Variants in ZNF782 observed in about 807,000 individuals in gnomAD.
ZNF782 encodes zinc finger protein 782.
ZNF782 carries 12 observed loss-of-function variants against 13.0 expected under a neutral mutation model. The ratio of observed to expected loss-of-function variants is 0.92; its 90% confidence interval spans 0.59 to 1.50. ZNF782 has a LOEUF of 1.50. Ranked by LOEUF, ZNF782 falls within the 40% of genes most tolerant of loss-of-function variation. ZNF782 has a pLI of 0.00. For synonymous variants in ZNF782, 284 were observed against 283.0 expected, an observed-to-expected ratio of 1.00 and a Z score of -0.04; for missense variants, 770 against 822.9, an observed-to-expected ratio of 0.94 and a Z score of 0.79.
the ZNF782 span, chr9:96,894,332 T>TA: frequency 1.3e-5 from 2 of 151,874 alleles, no homozygotes; most frequent in Non-Finnish European, 2.9e-5. Context: ...CCCTAGAACT[T>TA]AAAGCATAAA....
rs962558048 is a variant in ZNF782, at chr9:96,845,154, C to G, written c.16-138G>C. The G allele has an allele frequency of 3.8e-6, 4 of 1,039,910 alleles. No individual in the cohort carries two copies. The African/African-American group carries it at 4.8e-5, about 13-fold the overall frequency. 64.4% of individuals were successfully genotyped at this position (1,039,910 alleles called of 1,614,324 possible). ...AGGGATTCTTATTAAGGCCCTAATT[C>G]TGCCTTACTTTTGAAATGCATAATT... On this transcript the variant is annotated intron_variant, in intron 3 of 5. Transcript: ENST00000481138.
At position 96,852,009 on chromosome 9, in the gene ZNF782, G is replaced by C. The variant is rs576155405; in HGVS notation, c.-44-4C>G. The C allele has an allele frequency of 1.9e-6, 3 of 1,600,362 alleles. No individual in the cohort carries two copies. Among genetic ancestry groups the C allele is most frequent in the East Asian group, 2.2e-5 (1 of 44,766 alleles). ...ATAGAGAACTGTAAAGCCTCAGCTG[G>C]GGGGACAGAAAGAGGATGTCACACG... On this transcript the variant is annotated splice_region_variant and splice_polypyrimidine_tract_variant and intron_variant, in intron 2 of 5. Coordinates refer to ENST00000481138, the MANE Select transcript of ZNF782 (RefSeq NM_001001662.3).
chr9:96,896,837 A>T, the ZNF782 span, among the ~76,000 whole-genome samples: 1 of 152,200 alleles, frequency 6.6e-6, no homozygotes, highest in South Asian at 2.1e-4. Flanking sequence ...ATACTATCTG[A>T]AGCCACTGGC....
chr9:96,899,250 C>A, the ZNF782 span, among the ~76,000 whole-genome samples: 3 of 148,448 alleles, frequency 2.0e-5, no homozygotes, highest in Non-Finnish European at 3.0e-5. Context: ...GACTCCATCT[C>A]AAAAAAAAAA....
chr9:96,841,782 C>CT (rs1313127126), intron 4 of ZNF782, among the ~76,000 whole-genome samples: 6 of 151,846 alleles, frequency 4.0e-5, no homozygotes, highest in South Asian at 2.1e-4. Context: ...ATGTTTTCCC[C>CT]TTAAGGTTGG....
At chr9:96,832,080 A>AT (rs908989370) in intron 4 of ZNF782, among the ~76,000 whole-genome samples, 2 of 151,254 alleles carry the variant, frequency 1.3e-5, no homozygotes, top group African/African-American at 2.4e-5. Context: ...TCTCTTGAAC[A>AT]TTTTTTTTAG....
At chr9:96,910,014 A>G in the ZNF782 span, 3,142 of 513,018 alleles carry the variant, frequency 6.1e-3, 78 homozygotes, top group East Asian at 0.025. Context: ...CTTTATCGCC[A>G]GAGTCCCTGA....
chr9:96,832,561 A>G (rs546989483), intron 4 of ZNF782, among the ~76,000 whole-genome samples: 5 of 152,228 alleles, frequency 3.3e-5, no homozygotes, highest in Non-Finnish European at 5.9e-5. Flanking sequence ...TTCATCTGAG[A>G]ATGTCTCAAT....
At chr9:96,906,794 T>C in the ZNF782 span, among the ~76,000 whole-genome samples, 2 of 152,274 alleles carry the variant, frequency 1.3e-5, no homozygotes, top group Non-Finnish European at 2.9e-5. Flanking sequence ...CAACTTAACC[T>C]TGAGCCCCTT....
chr9:96,834,683 CTAAA>C (rs1850929655), intron 4 of ZNF782, among the ~76,000 whole-genome samples: 2 of 152,168 alleles, frequency 1.3e-5, no homozygotes, highest in Admixed American at 1.3e-4. Flanking sequence ...GAATTGTGAG[CTAAA>C]TAAATGTTTT....
At chr9:96,820,053 T>G (rs73654607) in intron 5 of ZNF782, among the ~76,000 whole-genome samples, 9,216 of 152,092 alleles carry the variant, frequency 0.061, 820 homozygotes, top group African/African-American at 0.2. Flanking sequence ...AGGATATAAA[T>G]CAACAAAATG....
intron 5 of ZNF782, 86 bp downstream of exon 5, chr9:96,826,994 T>C: frequency 1.2e-6 from 1 of 827,218 alleles, no homozygotes; most frequent in South Asian, 2.2e-5. Context: ...GTATAAATTT[T>C]AACCATTATT....
chr9:96,875,858 A>G (rs1031307913), upstream of ZNF782, among the ~76,000 whole-genome samples: 1 of 152,216 alleles, frequency 6.6e-6, no homozygotes, highest in East Asian at 1.9e-4. Flanking sequence ...TCTCAGCCTT[A>G]GCTAGGCGTG....
the ZNF782 span, among the ~76,000 whole-genome samples, chr9:96,881,558 T>G: frequency 2.6e-5 from 4 of 152,108 alleles, no homozygotes; most frequent in African/African-American, 9.6e-5. Context: ...AATTAAAGAC[T>G]ATAATCCATT....
intron 4 of ZNF782, among the ~76,000 whole-genome samples, chr9:96,837,834 G>T (rs1851049235): frequency 6.6e-6 from 1 of 152,108 alleles, no homozygotes; most frequent in African/African-American, 2.4e-5. Flanking sequence ...TCTTCCTTCT[G>T]TTATTCATTT....
intron 3 of ZNF782, among the ~76,000 whole-genome samples, chr9:96,860,020 G>C (rs2118857025): frequency 6.6e-6 from 1 of 152,254 alleles, no homozygotes; most frequent in Admixed American, 6.5e-5. Flanking sequence ...TCGTAGGTGG[G>C]AACAGACTAC....
the ZNF782 span, among the ~76,000 whole-genome samples, chr9:96,898,811 TG>T: frequency 7.4e-5 from 11 of 148,512 alleles, no homozygotes; most frequent in Non-Finnish European, 1.3e-4. Context: ...CCTCCCAAAG[TG>T]TTCCACCCAC....
In ZNF782 at chr9:96,819,724, T is replaced by C. The variant is rs139241702; in HGVS notation, c.299A>G (p.His100Arg). Residue 100 changes from histidine (H) to arginine (R), a missense_variant, in exon 6 of 6, where the codon CAT (histidine) becomes CGT (arginine). His to Arg is a conservative substitution (Grantham distance 29, BLOSUM62 0). Coordinates refer to ENST00000481138, the MANE Select transcript of ZNF782 (RefSeq NM_001001662.3). ...SEKSPENQGK[H>R]LLQVLFTNKL... The stretch of plus-strand genomic sequence containing the variant: ...ATTGGTGAATAAAACTTGCAACAAA[T>C]GTTTGCCTTGATTTTCTGGGCTCTT... 544 of 1,611,724 alleles carry C rather than the reference T, an allele frequency of 3.4e-4. 1 individual carries two copies. Among genetic ancestry groups the C allele is most frequent in the Non-Finnish European group, 4.3e-4 (506 of 1,179,388 alleles).
chr9:96,903,976 A>C, the ZNF782 span, among the ~76,000 whole-genome samples: 3 of 151,952 alleles, frequency 2.0e-5, no homozygotes, highest in Non-Finnish European at 4.4e-5. Flanking sequence ...TGACTGCGTC[A>C]TTCTCCATTC....
Sources: gnomAD v4.1 joint callset for allele counts (sites outside exome capture counted in the v4.1 genomes callset) on GRCh38, gnomAD v4.1.1 for gene constraint, MANE v1.5 for transcripts, NCBI Gene and HGNC (gene_info 2026-07-23, HGNC 2026-07-21) for gene names.